Variants in CENPP observed in about 807,000 individuals in gnomAD.
CENPP encodes the protein centromere protein P.
A neutral mutation model predicts 35.6 loss-of-function variants in CENPP; 24 were observed. The observed-to-expected ratio is 0.67, with a 90% CI of 0.49 to 0.95. The LOEUF (loss-of-function observed/expected upper bound fraction) is 0.95, where lower values mean the gene tolerates loss of function less well. Among genes scored for constraint, CENPP ranks in the 40% least tolerant of loss-of-function variants. CENPP has a pLI of 0.00. For missense variants in CENPP, 332 were observed against 345.3 expected (o/e 0.96, Z 0.31); for synonymous variants, 120 against 125.5 (o/e 0.96, Z 0.29).
intron 5 of CENPP, among the ~76,000 whole-genome samples, chr9:92,544,850 G>A (rs1461887998): frequency 1.3e-5 from 2 of 151,902 alleles, no homozygotes; most frequent in Non-Finnish European, 2.9e-5. Context: ...CCAGTAGCTG[G>A]GAGTACAGGC....
chr9:92,606,858 G>A (rs1042970519), intron 5 of CENPP, among the ~76,000 whole-genome samples: 2 of 152,152 alleles, frequency 1.3e-5, no homozygotes, highest in African/African-American at 4.8e-5. Context: ...AGCTACTCAG[G>A]AAGCTGAGGC....
At chr9:92,537,302 AT>A (rs1294287550) in intron 5 of CENPP, among the ~76,000 whole-genome samples, 2 of 152,222 alleles carry the variant, frequency 1.3e-5, no homozygotes, top group Non-Finnish European at 2.9e-5. Context: ...CTGAATCAAG[AT>A]AAGGGACTAA....
chr9:92,349,093 C>T (rs912216165), intron 4 of CENPP, among the ~76,000 whole-genome samples: 1 of 152,150 alleles, frequency 6.6e-6, no homozygotes, highest in Admixed American at 6.5e-5. Context: ...ATATGTTAGA[C>T]TATTTGACAT....
intron 4 of CENPP, among the ~76,000 whole-genome samples, chr9:92,374,736 A>ATT (rs1265915377): frequency 6.6e-6 from 1 of 152,228 alleles, no homozygotes; most frequent in Non-Finnish European, 1.5e-5. Flanking sequence ...AAGAGGGCTT[A>ATT]TTAATAAAAA....
intron 5 of CENPP, among the ~76,000 whole-genome samples, chr9:92,430,459 C>T (rs780083952): frequency 2.0e-5 from 3 of 150,662 alleles, no homozygotes; most frequent in Non-Finnish European, 2.9e-5. Context: ...GTCATTCAAG[C>T]GATTCTTCTG....
At chr9:92,544,162 A>G (rs1302902097) in intron 5 of CENPP, among the ~76,000 whole-genome samples, 1 of 152,096 alleles carries the variant, frequency 6.6e-6, no homozygotes, top group African/African-American at 2.4e-5. Context: ...ATGACATATT[A>G]ACTGTGCACT....
At chr9:92,446,916 TG>T (rs2131013409) in intron 5 of CENPP, among the ~76,000 whole-genome samples, 1 of 151,486 alleles carries the variant, frequency 6.6e-6, no homozygotes, top group African/African-American at 2.4e-5. Context: ...AAGGGAGGGC[TG>T]GAAGAATAGT....
chr9:92,547,487 T>C (rs1849494872), intron 5 of CENPP, among the ~76,000 whole-genome samples: 1 of 152,252 alleles, frequency 6.6e-6, no homozygotes, highest in South Asian at 2.1e-4. Context: ...AGGAATGTCA[T>C]ACTGACACAT....
intron 5 of CENPP, among the ~76,000 whole-genome samples, chr9:92,483,031 C>T (rs1845962810): frequency 6.6e-6 from 1 of 152,070 alleles, no homozygotes; most frequent in African/African-American, 2.4e-5. Context: ...CATGCATGTC[C>T]AAGTAACACC....
intron 5 of CENPP, chr9:92,515,271 T>C: frequency 7.2e-7 from 1 of 1,395,808 alleles, no homozygotes; most frequent in East Asian, 2.5e-5. Context: ...AAAACCATAA[T>C]GAAAATGAGG....
chr9:92,517,990 A>G (rs546806938), intron 5 of CENPP: 19 of 1,163,146 alleles, frequency 1.6e-5, no homozygotes, highest in African/African-American at 1.5e-4. Context: ...ATAGAATTCT[A>G]TGTGCATTCA....
intron 4 of CENPP, among the ~76,000 whole-genome samples, chr9:92,353,746 GCAGGAA>G (rs1841523613): frequency 6.6e-6 from 1 of 152,256 alleles, no homozygotes; most frequent in Admixed American, 6.5e-5. Flanking sequence ...ATGTAATGTC[GCAGGAA>G]CAGGAAGCAA....
At chr9:92,346,011 T>C (rs902916752) in intron 4 of CENPP, among the ~76,000 whole-genome samples, 1 of 152,102 alleles carries the variant, frequency 6.6e-6, no homozygotes, top group Non-Finnish European at 1.5e-5. Context: ...AAAATTAAAA[T>C]GTGAGCAAAA....
intron 5 of CENPP, among the ~76,000 whole-genome samples, chr9:92,508,047 G>T (rs1396349741): frequency 6.6e-6 from 1 of 152,152 alleles, no homozygotes; most frequent in Non-Finnish European, 1.5e-5. Flanking sequence ...AATCTGAAAG[G>T]TCATGAGTGA....
chr9:92,495,537 T>C (rs545797688), intron 5 of CENPP: 2 of 981,962 alleles, frequency 2.0e-6, no homozygotes. Context: ...AAGCAAACTC[T>C]ACTGCTTTTC....
chr9:92,525,906 A>AG, intron 5 of CENPP, among the ~76,000 whole-genome samples: 1 of 151,606 alleles, frequency 6.6e-6, no homozygotes, highest in East Asian at 1.9e-4. Flanking sequence ...AAAAAAAAAA[A>AG]AAAAAAAAAG....
intron 5 of CENPP, among the ~76,000 whole-genome samples, chr9:92,580,546 A>C (rs374930779): frequency 4.0e-5 from 6 of 151,454 alleles, no homozygotes; most frequent in African/African-American, 7.3e-5. Context: ...TGTATGTGTC[A>C]AGGAATTTAT....
At chr9:92,331,588 T>G (rs1211840338) in intron 1 of CENPP, among the ~76,000 whole-genome samples, 1 of 152,390 alleles carries the variant, frequency 6.6e-6, no homozygotes, top group East Asian at 1.9e-4. Context: ...AAAGTAGTCC[T>G]GTTATAATTT....
At chr9:92,356,204 T>C (rs1841584732) in intron 4 of CENPP, among the ~76,000 whole-genome samples, 2 of 152,088 alleles carry the variant, frequency 1.3e-5, no homozygotes, top group Non-Finnish European at 2.9e-5. Flanking sequence ...AAATGAAGAG[T>C]AGAATTCTCT....
Sources: allele counts gnomAD v4.1 joint callset (sites outside exome capture counted in the v4.1 genomes callset), GRCh38; gene constraint gnomAD v4.1.1; transcripts MANE v1.5; gene names NCBI Gene and HGNC (gene_info 2026-07-23, HGNC 2026-07-21).